PDIA3: variants seen among roughly 807,000 people sequenced by gnomAD.
PDIA3 encodes the protein protein disulfide-isomerase A3.
PDIA3 carries 16 observed loss-of-function variants against 56.9 expected under a neutral mutation model. That is an observed-to-expected ratio of 0.28 (90% CI 0.19 to 0.43). PDIA3 has a LOEUF of 0.43. PDIA3 is among the 20% of genes least tolerant of loss of function. The pLI, the probability that PDIA3 is intolerant of heterozygous loss-of-function variation, is 1.00. For synonymous variants in PDIA3, 192 were observed against 216.5 expected, an observed-to-expected ratio of 0.89 and a Z score of 0.99; for missense variants, 485 against 621.3, an observed-to-expected ratio of 0.78 and a Z score of 2.33.
In PDIA3 at chr15:43,746,575, G is replaced by A. The variant is rs763415105; in HGVS notation, c.36G>A (p.Val12=). The A allele has an allele frequency of 2.0e-5, 33 of 1,611,790 alleles. No homozygotes were observed. Among genetic ancestry groups the A allele is most frequent in the South Asian group, 1.8e-4 (16 of 91,040 alleles). Residue 12 remains valine (V), a synonymous_variant, in exon 1 of 13, where the codon GTG becomes GTA. Coordinates refer to ENST00000300289, the MANE Select transcript of PDIA3 (RefSeq NM_005313.5). ...RLRRLALFPG[V]ALLLAAARLA... ...GCCGCCTAGCGCTGTTCCCGGGTGT[G>A]GCGCTGCTTCTTGCCGCGGCCCGCC...
chr15:43,765,203 C>G (rs181612002), intron 5 of PDIA3, among the ~76,000 whole-genome samples: 2 of 152,040 alleles, frequency 1.3e-5, no homozygotes, highest in African/African-American at 2.4e-5. Context: ...TGATGAGACC[C>G]CCATCTCTAC....
At chr15:43,755,593 C>T (rs2086773562) in intron 2 of PDIA3, among the ~76,000 whole-genome samples, 1 of 152,112 alleles carries the variant, frequency 6.6e-6, no homozygotes, top group Non-Finnish European at 1.5e-5. Context: ...TACTTTTAAT[C>T]TTATCAAGCA....
In PDIA3 at chr15:43,763,090, T is replaced by C. The variant is rs751576340; in HGVS notation, c.486T>C (p.Asp162=). Residue 162 remains aspartate (D), a synonymous_variant, in exon 5 of 13, where the codon GAT becomes GAC. Transcript: ENST00000300289. ...TTTTCTGTATAGGTTTTTTCGATGA[T>C]TCATTCAGTGAGGCTCACTCCGAGT... ...KDASIVGFFD[D]SFSEAHSEFL... 1 of 1,614,060 alleles carries C rather than the reference T, an allele frequency of 6.2e-7. No individual in the cohort carries two copies. Among genetic ancestry groups the C allele is most frequent in the Non-Finnish European group, 8.5e-7 (1 of 1,179,910 alleles).
At chr15:43,751,533 C>A in intron 1 of PDIA3, 1 of 1,176,288 alleles carries the variant, frequency 8.5e-7, no homozygotes, top group Non-Finnish European at 1.1e-6. Flanking sequence ...AGTGGTTAAT[C>A]TTGAAGGATG....
intron 8 of PDIA3, among the ~76,000 whole-genome samples, chr15:43,767,886 C>G (rs1312189863): frequency 6.6e-6 from 1 of 151,678 alleles, no homozygotes; most frequent in Non-Finnish European, 1.5e-5. Flanking sequence ...GCAGGAAGAT[C>G]ACTTGATCAC....
Position 43,765,937 on chromosome 15 carries a change from G to A in PDIA3, c.770G>A (p.Gly257Asp), listed in dbSNP as rs1357770796. ...MTEDNKDLIQ[G>D]KDLLIAYYDV... ...GAAGACAATAAAGATTTGATACAGG[G>A]CAAGGACTTACTTATTGCTTACTAT... The change falls in exon 7 of 13, where the codon GGC becomes GAC. Residue 257 changes from glycine (G) to aspartate (D), a missense_variant. Gly to Asp is a moderately conservative substitution (Grantham distance 94, BLOSUM62 -1). Transcript: ENST00000300289. The A allele has an allele frequency of 6.2e-7, 1 of 1,613,324 alleles. No homozygotes were observed. Among genetic ancestry groups the A allele is most frequent in the African/African-American group, 1.3e-5 (1 of 74,992 alleles).
rs556917198 is a variant in PDIA3 at position 43,761,805 on chromosome 15, AC to A, written c.472+275del. ...TAAAGGTTTAATTTCAATTAAAGGG[AC>A]TGGAAGGGGTGGGTGTGGGGAAAAA... On this transcript the variant is annotated intron_variant, in intron 4 of 12. Transcript: ENST00000300289. Among the ~76,000 whole-genome samples, 9 of 152,178 alleles carry A rather than the reference AC, an allele frequency of 5.9e-5. No homozygotes were observed. The East Asian group carries it at 1.5e-3, about 26-fold the overall frequency.
intron 2 of PDIA3, among the ~76,000 whole-genome samples, chr15:43,755,047 T>C (rs2086769467): frequency 1.3e-5 from 2 of 152,052 alleles, no homozygotes; most frequent in Admixed American, 6.6e-5. Flanking sequence ...TCATTGAGGC[T>C]GGGCACGGTG....
At chr15:43,757,557 C>CCACACACACAAAGGT in intron 3 of PDIA3, among the ~76,000 whole-genome samples, 1 of 93,356 alleles carries the variant, frequency 1.1e-5, no homozygotes, top group Middle Eastern at 8.1e-3. Flanking sequence ...GACTCCGTCT[C>CCACACACACAAAGGT]AAAAAAAAAA....
chr15:43,768,653 G>T, intron 9 of PDIA3, 56 bp downstream of exon 9: 1 of 1,165,222 alleles, frequency 8.6e-7, no homozygotes, highest in Non-Finnish European at 1.3e-6. Context: ...TCATTTCTTT[G>T]TTCCAAAACT....
chr15:43,769,764 A>G (rs2086870208), intron 10 of PDIA3, 118 bp downstream of exon 10: 3 of 1,114,056 alleles, frequency 2.7e-6, no homozygotes, highest in African/African-American at 1.5e-5. Context: ...TTTCCCAATT[A>G]CTTGCTGTTT....
rs1373154297 is a variant in PDIA3 at position 43,768,521 on chromosome 15, A to C, written c.1061A>C (p.Gln354Pro). The C allele has an allele frequency of 6.2e-7, 1 of 1,613,794 alleles. No homozygotes were observed. Residue 354 changes from glutamine to proline, a missense_variant, in exon 9 of 13, where the codon CAG (glutamine) becomes CCG (proline). By Grantham distance (76) the Gln-to-Pro change is moderately conservative. Transcript: ENST00000300289. ...GGGAAGGCTCTGGAGAGGTTCCTGC[A>C]GGATTACTTTGATGGCAATCTGAAG... ...RDGKALERFLQDYFDGNLKRY... is the reference protein window; with the variant it reads ...RDGKALERFLPDYFDGNLKRY...
intron 1 of PDIA3, among the ~76,000 whole-genome samples, chr15:43,752,097 T>C (rs1489962893): frequency 1.3e-5 from 2 of 152,256 alleles, no homozygotes; most frequent in African/African-American, 4.8e-5. Flanking sequence ...ACATTGCTGA[T>C]TGACGTAGTC....
intron 2 of PDIA3, among the ~76,000 whole-genome samples, chr15:43,755,436 A>G (rs1163510683): frequency 6.6e-6 from 1 of 152,204 alleles, no homozygotes; most frequent in African/African-American, 2.4e-5. Context: ...AATGTAACCA[A>G]ATGGTCAACT....
At chr15:43,769,243 C>T (rs1358833827) in intron 9 of PDIA3, among the ~76,000 whole-genome samples, 1 of 152,174 alleles carries the variant, frequency 6.6e-6, no homozygotes, top group Non-Finnish European at 1.5e-5. Context: ...CATGTGCCAC[C>T]AAGCTTGGCT....
intron 8 of PDIA3, among the ~76,000 whole-genome samples, chr15:43,767,575 G>T (rs1183564136): frequency 6.7e-6 from 1 of 149,932 alleles, no homozygotes; most frequent in African/African-American, 2.5e-5. Flanking sequence ...TTAAAGACCA[G>T]CCTGGCCCAC....
chr15:43,750,013 C>A (rs1285644468), intron 1 of PDIA3, among the ~76,000 whole-genome samples: 1 of 149,252 alleles, frequency 6.7e-6, no homozygotes, highest in African/African-American at 2.5e-5. Flanking sequence ...CCTATTTAAG[C>A]AAATTCTTTT....
At chr15:43,767,186 C>A (rs899526101) in intron 8 of PDIA3, among the ~76,000 whole-genome samples, 4 of 151,754 alleles carry the variant, frequency 2.6e-5, no homozygotes. Flanking sequence ...CCCGTCTCTA[C>A]TAAAAATGCA....
intron 3 of PDIA3, among the ~76,000 whole-genome samples, chr15:43,760,113 G>T (rs769449577): frequency 6.6e-6 from 1 of 150,962 alleles, no homozygotes; most frequent in Non-Finnish European, 1.5e-5. Flanking sequence ...CAAAAAAATG[G>T]TTTAACAAGG....
Sources: allele counts gnomAD v4.1 joint callset (sites outside exome capture counted in the v4.1 genomes callset), GRCh38; gene constraint gnomAD v4.1.1; transcripts MANE v1.5; gene names NCBI Gene and HGNC (gene_info 2026-07-23, HGNC 2026-07-21).